The following ZNF682 variants were observed in gnomAD, a reference collection of about 807,000 sequenced individuals.
The protein encoded by ZNF682 is zinc finger protein 682.
A neutral mutation model predicts 36.5 loss-of-function variants in ZNF682; 29 were observed. The ratio of observed to expected loss-of-function variants is 0.80; its 90% CI spans 0.59 to 1.08. ZNF682 has a LOEUF of 1.08. Among genes scored for constraint, ZNF682 ranks in the 50% least tolerant of loss-of-function variants. The probability of loss-of-function intolerance (pLI) is 0.00; values close to 1 mark genes in which losing one functional copy is unlikely to be tolerated. For missense variants in ZNF682, 561 were observed against 579.7 expected, an observed-to-expected ratio of 0.97 and a Z score of 0.33; for synonymous variants, 180 against 197.0, an observed-to-expected ratio of 0.91 and a Z score of 0.72.
chr19:20,024,331 C>T lies in ZNF682; in HGVS notation c.49G>A (p.Glu17Lys), dbSNP rs751957938. Residue 17 changes from glutamate (E) to lysine (K), a missense_variant, in exon 2 of 4, where the codon GAG (glutamate) becomes AAG (lysine). Transcript: ENST00000397165. The part of the protein sequence containing the change: ...RDVTIEFSLE[E>K]WEFLNPAQQS... The stretch of plus-strand genomic sequence containing the variant: ...TGAGCAGGGTTCAGAAACTCCCACT[C>T]CTCCAGAGAGAATTCTATGGTCACA... 5.6e-6 allele frequency: 9 copies of T among 1,613,820 alleles called. No homozygotes were observed. The East Asian group carries it at 6.7e-5, about 12-fold the overall frequency.
downstream of ZNF682, among the ~76,000 whole-genome samples, chr19:20,002,166 T>G (rs1473198947): frequency 6.6e-6 from 1 of 152,144 alleles, no homozygotes; most frequent in Non-Finnish European, 1.5e-5. Context: ...CACTGCAACT[T>G]CTGCCTCCCA....
In ZNF682 at chr19:20,006,085, T is replaced by C; in HGVS notation, c.1417A>G (p.Arg473Gly). 6.2e-7 allele frequency: 1 copy of C among 1,614,044 alleles called. No individual in the cohort carries two copies. Among genetic ancestry groups the C allele is most frequent in the East Asian group, 2.2e-5 (1 of 44,860 alleles). Reference sequence around the variant, plus strand: ...CAGGATTTCTCTCCTCTTTGAACTCTCTTATGTTCATTAAGATGTGAGCAC... The same window carrying C: ...CAGGATTTCTCTCCTCTTTGAACTCCCTTATGTTCATTAAGATGTGAGCAC... ...KRCSHLNEHK[R>G]VQRGEKSCKY... The change falls in exon 4 of 4, where the codon AGA (arginine) becomes GGA (glycine). Residue 473 changes from arginine (R) to glycine (G), a missense_variant. Coordinates refer to ENST00000397165, the MANE Select transcript of ZNF682 (RefSeq NM_033196.3).
At chr19:20,028,901 GTGGGTACTAAC>G (rs1007042177) in intron 1 of ZNF682, among the ~76,000 whole-genome samples, 1 of 152,068 alleles carries the variant, frequency 6.6e-6, no homozygotes, top group Non-Finnish European at 1.5e-5. Flanking sequence ...ACCCTGGGAG[GTGGGTACTAAC>G]TGTCCCATAA....
chr19:20,011,835 A>C (rs1238453788), intron 3 of ZNF682, among the ~76,000 whole-genome samples: 1 of 152,168 alleles, frequency 6.6e-6, no homozygotes, highest in Non-Finnish European at 1.5e-5. Flanking sequence ...CAGAGGTTCA[A>C]GACCAGCCTG....
At chr19:20,000,507 T>C (rs150854824), downstream of ZNF682, among the ~76,000 whole-genome samples, 922 of 152,264 alleles carry the variant, frequency 6.1e-3, 6 homozygotes, top group Middle Eastern at 0.034. Context: ...CACCCCCCAC[T>C]GCCATGTATT....
intron 3 of ZNF682, among the ~76,000 whole-genome samples, chr19:19,999,266 A>C (rs918192732): frequency 1.3e-5 from 2 of 152,124 alleles, no homozygotes; most frequent in African/African-American, 4.8e-5. Flanking sequence ...CAAAAATGAT[A>C]CCCTATCATT....
At chr19:20,002,330 T>G (rs2088173621), downstream of ZNF682, among the ~76,000 whole-genome samples, 2 of 151,598 alleles carry the variant, frequency 1.3e-5, no homozygotes, top group Admixed American at 1.3e-4. Flanking sequence ...CCTGACCTCA[T>G]GATCCGCCCG....
At position 20,006,189 on chromosome 19, in the gene ZNF682, G is replaced by A; in HGVS notation, c.1313C>T (p.Ser438Leu). 1.9e-6 allele frequency: 3 copies of A among 1,613,336 alleles called. No homozygotes were observed. Among genetic ancestry groups the A allele is most frequent in the Non-Finnish European group, 2.5e-6 (3 of 1,179,516 alleles). The stretch of plus-strand genomic sequence containing the variant: ...AATTTTCTTATGTCTAGTAAGGTGT[G>A]AGCACCGATTAAAGGCTTTTCCACA... ...EECGKAFNRC[S>L]HLTRHKKIHT... The change falls in exon 4 of 4, where the codon TCA (serine) becomes TTA (leucine). Residue 438 changes from serine to leucine, a missense_variant. Physicochemically the swap from Ser to Leu is moderately radical, Grantham distance 145 (BLOSUM62 -2). Coordinates refer to ENST00000397165, the MANE Select transcript of ZNF682 (RefSeq NM_033196.3).
chr19:20,021,987 A>G (rs2088388109), intron 3 of ZNF682, among the ~76,000 whole-genome samples: 2 of 151,558 alleles, frequency 1.3e-5, no homozygotes, highest in Admixed American at 1.3e-4. Context: ...CCTGGCCAAC[A>G]TGGTGAAACC....
intron 1 of ZNF682, chr19:20,033,471 A>G (rs1599618436): frequency 1.3e-5 from 2 of 152,320 alleles, no homozygotes; most frequent in South Asian, 4.1e-4. Flanking sequence ...CCTGGGCTGC[A>G]GGAGGAGGGC....
At chr19:20,022,931 CTCTTGAAGTCTG>C in intron 3 of ZNF682, 61 bp downstream of exon 3, 1 of 1,261,434 alleles carries the variant, frequency 7.9e-7, no homozygotes, top group Non-Finnish European at 1.1e-6. Flanking sequence ...TCTCAAATAA[CTCTTGAAGTCTG>C]TCTTCCTTCT....
intron 1 of ZNF682, chr19:20,039,090 G>A: frequency 3.7e-6 from 5 of 1,338,490 alleles, no homozygotes; most frequent in Non-Finnish European, 4.9e-6. Flanking sequence ...AAGAACGCGC[G>A]CGGCTCTTCC....
chr19:20,029,070 C>G lies in ZNF682; in HGVS notation c.4-4694G>C, dbSNP rs1568546116. Among the ~76,000 whole-genome samples, 8 of 151,090 alleles carry G rather than the reference C, an allele frequency of 5.3e-5. No individual in the cohort carries two copies. In the South Asian group the frequency reaches 1.7e-3, roughly 32 times the overall value. On this transcript the variant is annotated intron_variant, in intron 1 of 3. Coordinates refer to ENST00000397165, the MANE Select transcript of ZNF682 (RefSeq NM_033196.3). ...CTTGGCTCACTGCAATTTCCACCTC[C>G]CCAGTTCAAGCAATTCTCCTGCCTC...
chr19:20,032,218 G>C (rs930657416), intron 1 of ZNF682, among the ~76,000 whole-genome samples: 1 of 152,200 alleles, frequency 6.6e-6, no homozygotes, highest in Non-Finnish European at 1.5e-5. Flanking sequence ...AGGTTGCAGA[G>C]GTATGGGAAA....
intron 1 of ZNF682, among the ~76,000 whole-genome samples, chr19:20,029,559 C>A (rs1401153838): frequency 6.7e-6 from 1 of 149,962 alleles, no homozygotes; most frequent in Non-Finnish European, 1.5e-5. Context: ...AGAAATCATA[C>A]CACTGCACTC....
In ZNF682 at chr19:20,005,736, T is replaced by G. The variant is rs578205080; in HGVS notation, c.*269A>C. 1.9e-5 allele frequency: 8 copies of G among 431,654 alleles called. No homozygotes were observed. The highest frequency in any genetic ancestry group is 1.6e-4 in the African/African-American group (8 of 50,722). The allele number at this position is 431,654 out of a possible 1,614,324, so 26.7% of individuals were successfully genotyped here. On this transcript the variant is annotated 3_prime_UTR_variant, in exon 4 of 4. Transcript: ENST00000397165. ...GTAATGTGTATCATTACACTTACAT[T>G]GCTTTTATCTAGCACAAAACCTCTG...
At chr19:20,023,843 G>A (rs141945011) in intron 2 of ZNF682, among the ~76,000 whole-genome samples, 2,321 of 152,062 alleles carry the variant, frequency 0.015, 25 homozygotes, top group Admixed American at 0.021. Flanking sequence ...TTAGCTGGCC[G>A]TGGTGGTGGG....
chr19:20,033,713 T>C (rs2088500345), intron 1 of ZNF682, among the ~76,000 whole-genome samples: 1 of 152,122 alleles, frequency 6.6e-6, no homozygotes, highest in African/African-American at 2.4e-5. Flanking sequence ...TCACCACGCC[T>C]GGCTAATTTT....
chr19:20,038,752 G>T (rs567700920), intron 1 of ZNF682, among the ~76,000 whole-genome samples: 1 of 152,182 alleles, frequency 6.6e-6, no homozygotes, highest in African/African-American at 2.4e-5. Flanking sequence ...ATGACAACCT[G>T]AATAGTCTAA....
Sources: allele counts gnomAD v4.1 joint callset (sites outside exome capture counted in the v4.1 genomes callset), GRCh38; gene constraint gnomAD v4.1.1; transcripts MANE v1.5; gene names NCBI Gene and HGNC (gene_info 2026-07-23, HGNC 2026-07-21).